Variants in PCDHGA2 observed in about 807,000 individuals in gnomAD.
The protein encoded by PCDHGA2 is protocadherin gamma-A2.
Under a neutral mutation model 59.2 loss-of-function variants are expected in PCDHGA2, and 40 were observed. That is an observed-to-expected ratio of 0.68 (90% CI 0.52 to 0.88). PCDHGA2 has a LOEUF of 0.88. Among genes scored for constraint, PCDHGA2 ranks in the 40% least tolerant of loss-of-function variants. PCDHGA2 has a pLI of 0.00. For synonymous variants in PCDHGA2, 560 were observed against 526.0 expected, an observed-to-expected ratio of 1.06 and a Z score of -0.89; for missense variants, 1,226 against 1,204.0, an observed-to-expected ratio of 1.02 and a Z score of -0.27.
At chr5:141,350,936 TGGATCCGAGTTAC>T (rs1561498840) in intron 1 of PCDHGA2, 1 of 1,614,102 alleles carries the variant, frequency 6.2e-7, no homozygotes, top group Non-Finnish European at 8.5e-7. Flanking sequence ...CACCCATATC[TGGATCCGAGTTAC>T]GGATGCCAAT....
Position 141,361,043 on chromosome 5 carries a change from C to G in PCDHGA2, c.2424+19648C>G. On this transcript the variant is annotated intron_variant, in intron 1 of 3. Coordinates refer to ENST00000394576, the MANE Select transcript of PCDHGA2 (RefSeq NM_018915.4). The stretch of plus-strand genomic sequence containing the variant: ...AATGAAAAAACAGGAGAAATCACGA[C>G]AAAGGATGATTTGGATTTTGAGATT... 2.5e-6 allele frequency: 4 copies of G among 1,613,524 alleles called. No homozygotes were observed. In the South Asian group the frequency reaches 3.3e-5, roughly 13 times the overall value.
intron 1 of PCDHGA2, chr5:141,373,926 G>A: frequency 1.5e-6 from 1 of 662,052 alleles, no homozygotes; most frequent in Non-Finnish European, 2.3e-6. Flanking sequence ...AAATTAGACG[G>A]GAAAGCAGGA....
intron 1 of PCDHGA2, chr5:141,398,812 C>T (rs1255452758): frequency 1.9e-6 from 3 of 1,613,824 alleles, no homozygotes; most frequent in Admixed American, 3.3e-5. Context: ...CACTGAGCTC[C>T]GGATCCAGGT....
At chr5:141,474,115 G>A (rs1404490690) in intron 1 of PCDHGA2, among the ~76,000 whole-genome samples, 2 of 152,062 alleles carry the variant, frequency 1.3e-5, no homozygotes, top group South Asian at 2.1e-4. Context: ...CAACAACAAC[G>A]AAAATCTCAG....
intron 1 of PCDHGA2, chr5:141,410,723 T>G: frequency 7.2e-7 from 1 of 1,391,168 alleles, no homozygotes; most frequent in Non-Finnish European, 9.6e-7. Context: ...ATGTTTAAAA[T>G]CCATAGCTTT....
At chr5:141,502,739 A>C (rs1287180048) in intron 2 of PCDHGA2, among the ~76,000 whole-genome samples, 1 of 152,070 alleles carries the variant, frequency 6.6e-6, no homozygotes, top group Non-Finnish European at 1.5e-5. Flanking sequence ...ATGTTCTGTC[A>C]TTCCTTCTAC....
At chr5:141,449,349 G>C (rs191322076) in intron 1 of PCDHGA2, among the ~76,000 whole-genome samples, 2 of 152,074 alleles carry the variant, frequency 1.3e-5, no homozygotes, top group African/African-American at 4.8e-5. Flanking sequence ...GCTCACTCCT[G>C]TAATCCCAGC....
intron 1 of PCDHGA2, chr5:141,427,221 T>C (rs1312743800): frequency 2.2e-6 from 1 of 456,628 alleles, no homozygotes; most frequent in Non-Finnish European, 4.4e-6. Context: ...TCGTAGCAGT[T>C]ATACCATGAG....
At chr5:141,347,064 T>A (rs1437707475) in intron 1 of PCDHGA2, among the ~76,000 whole-genome samples, 1 of 150,504 alleles carries the variant, frequency 6.6e-6, no homozygotes, top group Non-Finnish European at 1.5e-5. Flanking sequence ...CCTTCCTTCC[T>A]TCCTTCCTCT....
intron 1 of PCDHGA2, chr5:141,344,521 G>A (rs775144073): frequency 1.2e-6 from 2 of 1,613,982 alleles, no homozygotes; most frequent in Non-Finnish European, 8.5e-7. Flanking sequence ...CCAGATGTAG[G>A]CATTAACTCC....
chr5:141,494,671 C>T, intron 1 of PCDHGA2, 136 bp from the exon 2 acceptor site: 1 of 1,532,340 alleles, frequency 6.5e-7, no homozygotes, highest in East Asian at 2.4e-5. Context: ...GAGATGAGTC[C>T]ACCCCTGCCC....
At chr5:141,384,202 GA>G (rs1561601011) in intron 1 of PCDHGA2, 1 of 1,613,852 alleles carries the variant, frequency 6.2e-7, no homozygotes, top group Non-Finnish European at 8.5e-7. Flanking sequence ...CTTGTCCAGG[GA>G]AACTCACATA....
intron 1 of PCDHGA2, chr5:141,371,943 C>T: frequency 6.2e-7 from 1 of 1,613,302 alleles, no homozygotes; most frequent in Non-Finnish European, 8.5e-7. Context: ...GGTGTTCGCG[C>T]AGCGAGCCTT....
chr5:141,400,092 G>T, intron 1 of PCDHGA2: 1 of 1,614,060 alleles, frequency 6.2e-7, no homozygotes, highest in Non-Finnish European at 8.5e-7. Context: ...CCACCGCCAC[G>T]CTGCACTTGG....
intron 2 of PCDHGA2, among the ~76,000 whole-genome samples, chr5:141,497,832 G>A (rs1326640712): frequency 1.3e-5 from 2 of 151,992 alleles, no homozygotes; most frequent in Non-Finnish European, 2.9e-5. Context: ...GATCGCCCCC[G>A]GCCACAACAA....
At chr5:141,345,988 C>T (rs1387239684) in intron 1 of PCDHGA2, 2 of 1,613,268 alleles carry the variant, frequency 1.2e-6, no homozygotes, top group Non-Finnish European at 8.5e-7. Flanking sequence ...CACGGCCAGC[C>T]CCCTCTCTCC....
intron 1 of PCDHGA2, chr5:141,419,137 C>CAGGG: frequency 6.2e-7 from 1 of 1,613,892 alleles, no homozygotes; most frequent in Non-Finnish European, 8.5e-7. Context: ...CAGCCACAGA[C>CAGGG]AGGGGCAAGC....
intron 1 of PCDHGA2, chr5:141,351,576 C>G: frequency 6.2e-7 from 1 of 1,614,056 alleles, no homozygotes; most frequent in Non-Finnish European, 8.5e-7. Context: ...CTGCACATCT[C>G]CGACATCAAC....
In PCDHGA2 at chr5:141,502,866, C is replaced by CTTTTTTTTTTTTTTTTT. The variant is rs549047197; in HGVS notation, c.2484-2513_2484-2512insTTTTTTTTTTTTTTTTT. Among the ~76,000 whole-genome samples the CTTTTTTTTTTTTTTTTT allele has an allele frequency of 3.1e-5, 4 of 128,046 alleles. 1 individual carries two copies. 84.0% of individuals were successfully genotyped at this position (128,046 alleles called of 152,430 possible). A position where few individuals can be genotyped will look rare whatever the true frequency, so the allele number is the denominator to read the frequency against. ...GAGCTGCCTAACCCTGACTCTCTGTCTTTTTTTTTTTTTTGACAGGGAGTC... is the reference window on the plus strand; with the variant it reads ...GAGCTGCCTAACCCTGACTCTCTGTCTTTTTTTTTTTTTTTTTTTTTTTTTTTTTTTGACAGGGAGTC... On this transcript the variant is annotated intron_variant, in intron 2 of 3. Transcript: ENST00000394576.
Sources: gnomAD v4.1 joint callset for allele counts (sites outside exome capture counted in the v4.1 genomes callset) on GRCh38, gnomAD v4.1.1 for gene constraint, MANE v1.5 for transcripts, NCBI Gene and HGNC (gene_info 2026-07-23, HGNC 2026-07-21) for gene names.